The following ATP6V1E1 variants were observed in gnomAD, a reference collection of about 807,000 sequenced individuals.
The protein encoded by ATP6V1E1 is ATPase H+ transporting V1 subunit E1.
Under a neutral mutation model 35.2 loss-of-function variants are expected in ATP6V1E1, and 21 were observed. The ratio of observed to expected loss-of-function variants is 0.60; its 90% confidence interval spans 0.42 to 0.86. The LOEUF is 0.86. Ranked by LOEUF, ATP6V1E1 falls within the 40% of genes least tolerant of loss-of-function variation. ATP6V1E1 has a pLI of 0.00. For missense variants in ATP6V1E1, 183 were observed against 272.6 expected (o/e 0.67, Z 2.32); for synonymous variants, 83 against 87.8 (o/e 0.95, Z 0.30).
At chr22:17,595,972 TA>T (rs1448659181) in intron 7 of ATP6V1E1, among the ~76,000 whole-genome samples, 1 of 149,418 alleles carries the variant, frequency 6.7e-6, no homozygotes, top group East Asian at 2.0e-4. Context: ...CTACTAAAAA[TA>T]CAAAAAAAAT....
chr22:17,615,348 T>A (rs1250323998), intron 2 of ATP6V1E1, among the ~76,000 whole-genome samples: 2 of 151,994 alleles, frequency 1.3e-5, no homozygotes, highest in Admixed American at 1.3e-4. Context: ...TACATTATTT[T>A]ATTATACGTA....
intron 1 of ATP6V1E1, among the ~76,000 whole-genome samples, chr22:17,626,226 T>G (rs62238857): frequency 6.9e-6 from 1 of 144,074 alleles, no homozygotes; most frequent in East Asian, 2.1e-4. Flanking sequence ...GAGAATGGCA[T>G]GAACCCAGGA....
At chr22:17,628,286 T>C (rs1462291140) in intron 1 of ATP6V1E1, among the ~76,000 whole-genome samples, 1 of 152,210 alleles carries the variant, frequency 6.6e-6, no homozygotes, top group African/African-American at 2.4e-5. Flanking sequence ...TTTCAATCCT[T>C]GCACAGATCT....
chr22:17,603,012 A>C (rs1402092756), intron 4 of ATP6V1E1, among the ~76,000 whole-genome samples: 1 of 152,174 alleles, frequency 6.6e-6, no homozygotes, highest in Non-Finnish European at 1.5e-5. Context: ...GCTGGAGTGC[A>C]GTGGCCTGAT....
intron 4 of ATP6V1E1, among the ~76,000 whole-genome samples, chr22:17,607,814 C>T (rs1411686404): frequency 1.3e-5 from 2 of 152,160 alleles, no homozygotes; most frequent in African/African-American, 2.4e-5. Flanking sequence ...TGGGAATGAA[C>T]ATCTGCATTT....
At position 17,625,472 on chromosome 22, in the gene ATP6V1E1, GTCTCAAACTCCCAACCTCAGGTGA is replaced by G. The variant is rs571058605; in HGVS notation, c.33+3107_33+3130del. Among the ~76,000 whole-genome samples, 44 of 149,492 alleles carry G rather than the reference GTCTCAAACTCCCAACCTCAGGTGA, an allele frequency of 2.9e-4. 1 individual carries two copies. The highest frequency in any genetic ancestry group is 6.8e-3 in the Middle Eastern group (2 of 292). The stretch of plus-strand genomic sequence containing the variant: ...GGGTTTCTCCATGTTGGTCAGGCTG[GTCTCAAACTCCCAACCTCAGGTGA>G]TCTCAAACTCCCAACCTCAGGTGAT... On this transcript the variant is annotated intron_variant, in intron 1 of 8. Coordinates refer to ENST00000253413, the MANE Select transcript of ATP6V1E1 (RefSeq NM_001696.4).
chr22:17,621,450 C>A (rs893675096), intron 1 of ATP6V1E1, among the ~76,000 whole-genome samples: 3 of 152,100 alleles, frequency 2.0e-5, no homozygotes, highest in Non-Finnish European at 4.4e-5. Flanking sequence ...TGCGTGTCAC[C>A]ACGTCCAGCT....
chr22:17,600,181 T>C, intron 5 of ATP6V1E1, 86 bp from the exon 6 acceptor site: 1 of 1,256,726 alleles, frequency 8.0e-7, no homozygotes, highest in East Asian at 2.4e-5. Context: ...AGGTCTGTAA[T>C]CCTAACACTT....
intron 4 of ATP6V1E1, among the ~76,000 whole-genome samples, chr22:17,604,925 A>C (rs1354508017): frequency 1.3e-5 from 2 of 152,164 alleles, no homozygotes; most frequent in Non-Finnish European, 1.5e-5. Context: ...CGTTTAAAAA[A>C]GAAAACTTGG....
chr22:17,594,512 A>T lies in ATP6V1E1; in HGVS notation c.618+17T>A. The T allele has an allele frequency of 6.5e-7, 1 of 1,530,654 alleles. No individual in the cohort carries two copies. The highest frequency in any genetic ancestry group is 1.3e-5 in the South Asian group (1 of 78,900). 94.8% of individuals were successfully genotyped at this position (1,530,654 alleles called of 1,614,324 possible). A position where few individuals can be genotyped will look rare whatever the true frequency, so the allele number is the denominator to read the frequency against. On this transcript the variant is annotated intron_variant, in intron 8 of 8. Coordinates refer to ENST00000253413, the MANE Select transcript of ATP6V1E1 (RefSeq NM_001696.4). ...AGTAACAGCAGACCAACTACCAAGA[A>T]GTACCCCCACACTCACCTGCTGGGC...
At chr22:17,613,044 T>C in intron 3 of ATP6V1E1, 166 bp from the exon 4 acceptor site, 2 of 883,374 alleles carry the variant, frequency 2.3e-6, no homozygotes, top group South Asian at 3.2e-5. Flanking sequence ...TGAATAATCC[T>C]GTCAGGCTTT....
chr22:17,600,692 A>G, intron 5 of ATP6V1E1: 1 of 155,630 alleles, frequency 6.4e-6, no homozygotes, highest in East Asian at 1.9e-4. Context: ...TAACATAAGT[A>G]AAATAAGGAT....
At chr22:17,601,999 G>C (rs1601377001) in intron 4 of ATP6V1E1, among the ~76,000 whole-genome samples, 1 of 152,124 alleles carries the variant, frequency 6.6e-6, no homozygotes, top group African/African-American at 2.4e-5. Context: ...TGACCATCCA[G>C]GCTCAAGTGA....
chr22:17,624,682 G>A (rs1233267658), intron 1 of ATP6V1E1, among the ~76,000 whole-genome samples: 1 of 152,136 alleles, frequency 6.6e-6, no homozygotes, highest in Non-Finnish European at 1.5e-5. Flanking sequence ...TTATCCGGGT[G>A]TGGTGACATA....
intron 2 of ATP6V1E1, chr22:17,618,890 C>G: frequency 2.4e-6 from 1 of 419,936 alleles, no homozygotes; most frequent in Non-Finnish European, 4.7e-6. Context: ...GTCCCAGCTA[C>G]TTGGGAGGCT....
intron 4 of ATP6V1E1, among the ~76,000 whole-genome samples, chr22:17,603,979 C>T (rs150298033): frequency 5.1e-4 from 78 of 152,278 alleles, no homozygotes; most frequent in African/African-American, 1.7e-3. Context: ...GTGCTACTAG[C>T]CATTTGCATA....
At chr22:17,603,958 A>G (rs1056143307) in intron 4 of ATP6V1E1, among the ~76,000 whole-genome samples, 13 of 152,324 alleles carry the variant, frequency 8.5e-5, no homozygotes, top group African/African-American at 2.6e-4. Context: ...AGTAATGTCA[A>G]CTTGTGGAGC....
intron 7 of ATP6V1E1, among the ~76,000 whole-genome samples, chr22:17,597,103 G>A (rs557167189): frequency 1.5e-4 from 23 of 151,966 alleles, no homozygotes; most frequent in African/African-American, 4.1e-4. Context: ...TTAGCTGGGC[G>A]TGGTGGCAGG....
At chr22:17,612,979 C>G (rs1288545498) in intron 3 of ATP6V1E1, 101 bp from the exon 4 acceptor site, 16 of 1,165,390 alleles carry the variant, frequency 1.4e-5, no homozygotes, top group Non-Finnish European at 2.0e-5. Flanking sequence ...TTGGCCTCCC[C>G]AAAGCACCAG....
Sources: allele counts gnomAD v4.1 joint callset (sites outside exome capture counted in the v4.1 genomes callset), GRCh38; gene constraint gnomAD v4.1.1; transcripts MANE v1.5; gene names NCBI Gene and HGNC (gene_info 2026-07-23, HGNC 2026-07-21).